The following CCSER1 variants were observed in gnomAD, a reference collection of about 807,000 sequenced individuals.
CCSER1 encodes the protein coiled-coil serine rich protein 1.
A neutral mutation model predicts 82.0 loss-of-function variants in CCSER1; 41 were observed. The ratio of observed to expected loss-of-function variants is 0.50; its 90% CI spans 0.39 to 0.65. CCSER1 has a LOEUF of 0.65. Ranked by LOEUF, CCSER1 falls within the 30% of genes least tolerant of loss-of-function variation. The pLI, the probability that CCSER1 is intolerant of heterozygous loss-of-function variation, is 0.00. For missense variants in CCSER1, 1,119 were observed against 1,064.2 expected, an observed-to-expected ratio of 1.05 and a Z score of -0.72; for synonymous variants, 414 against 383.9, an observed-to-expected ratio of 1.08 and a Z score of -0.92.
chr4:91,081,141 T>C (rs1037066530), intron 9 of CCSER1, among the ~76,000 whole-genome samples: 40 of 152,208 alleles, frequency 2.6e-4, no homozygotes, highest in Middle Eastern at 6.9e-3. Context: ...CTCATGAACA[T>C]CGATGCAAAA....
intron 1 of CCSER1, among the ~76,000 whole-genome samples, chr4:90,271,846 ATATATATATATATATATTTTT>A (rs1726426036): frequency 8.0e-5 from 2 of 24,854 alleles, no homozygotes; most frequent in South Asian, 2.1e-3. Flanking sequence ...ATATATATAT[ATATATATATATATATATTTTT>A]TTTTTTTTTT....
At chr4:90,448,049 C>T (rs1397063304) in intron 4 of CCSER1, among the ~76,000 whole-genome samples, 2 of 152,042 alleles carry the variant, frequency 1.3e-5, no homozygotes, top group Non-Finnish European at 2.9e-5. Flanking sequence ...AACCACCCTT[C>T]CCCTGAGGGC....
intron 10 of CCSER1, among the ~76,000 whole-genome samples, chr4:91,305,916 C>G (rs1158870528): frequency 6.7e-6 from 1 of 149,704 alleles, no homozygotes. Flanking sequence ...CCCTCACTAT[C>G]ACGAGAACAG....
intron 7 of CCSER1, among the ~76,000 whole-genome samples, chr4:90,779,321 T>C (rs909917180): frequency 6.6e-6 from 1 of 152,176 alleles, no homozygotes; most frequent in Non-Finnish European, 1.5e-5. Flanking sequence ...TCATGCTTCT[T>C]ATTTCAAGGT....
chr4:91,530,205 CAT>C (rs1760953384), intron 10 of CCSER1, among the ~76,000 whole-genome samples: 1 of 152,024 alleles, frequency 6.6e-6, no homozygotes, highest in African/African-American at 2.4e-5. Context: ...TTATTAAAAA[CAT>C]ATATTCAATA....
intron 6 of CCSER1, among the ~76,000 whole-genome samples, chr4:90,714,860 A>G (rs1056225420): frequency 1.1e-3 from 169 of 152,184 alleles, no homozygotes; most frequent in African/African-American, 4.0e-3. Context: ...CTTCTCAATT[A>G]CACTGCAGTG....
intron 10 of CCSER1, among the ~76,000 whole-genome samples, chr4:91,316,329 T>A (rs1168614955): frequency 2.0e-5 from 3 of 151,996 alleles, no homozygotes; most frequent in African/African-American, 7.2e-5. Context: ...TGGTACATCA[T>A]GAGCACTCAA....
intron 7 of CCSER1, among the ~76,000 whole-genome samples, chr4:90,727,659 T>C (rs757425015): frequency 2.6e-5 from 4 of 152,318 alleles, no homozygotes; most frequent in Non-Finnish European, 2.9e-5. Context: ...TTTGTACATA[T>C]GCAGTTATTA....
At chr4:91,221,623 A>G (rs1737750008) in intron 10 of CCSER1, among the ~76,000 whole-genome samples, 1 of 152,238 alleles carries the variant, frequency 6.6e-6, no homozygotes, top group African/African-American at 2.4e-5. Context: ...CATCAGGTCA[A>G]ACACATATAG....
At chr4:90,692,630 A>G (rs1736205277) in intron 6 of CCSER1, among the ~76,000 whole-genome samples, 1 of 151,914 alleles carries the variant, frequency 6.6e-6, no homozygotes, top group East Asian at 1.9e-4. Context: ...TATGAATTCT[A>G]CTTCATGAAC....
intron 10 of CCSER1, among the ~76,000 whole-genome samples, chr4:91,520,724 C>T (rs568048674): frequency 1.9e-4 from 29 of 151,932 alleles, no homozygotes; most frequent in Non-Finnish European, 3.7e-4. Context: ...CAACAAATTC[C>T]CTTAGTTTCC....
At chr4:91,310,443 A>C (rs1003319730) in intron 10 of CCSER1, among the ~76,000 whole-genome samples, 1 of 151,814 alleles carries the variant, frequency 6.6e-6, no homozygotes, top group Non-Finnish European at 1.5e-5. Context: ...AAGTTTACGA[A>C]TTTTTGTTGG....
intron 10 of CCSER1, among the ~76,000 whole-genome samples, chr4:91,474,816 C>CAAATAT (rs1560700793): frequency 2.9e-4 from 21 of 73,608 alleles, no homozygotes; most frequent in African/African-American, 1.1e-3. Flanking sequence ...TATATATACA[C>CAAATAT]ACACACACAC....
chr4:91,272,654 G>A (rs186046000), intron 10 of CCSER1, among the ~76,000 whole-genome samples: 19 of 152,240 alleles, frequency 1.2e-4, no homozygotes, highest in Non-Finnish European at 2.5e-4. Flanking sequence ...TTGTGTCTTG[G>A]TCATGAACTC....
intron 10 of CCSER1, among the ~76,000 whole-genome samples, chr4:91,347,461 A>G (rs1748134841): frequency 6.6e-6 from 1 of 151,278 alleles, no homozygotes; most frequent in Non-Finnish European, 1.5e-5. Context: ...GCTTTTTCTT[A>G]TGAAATTTAG....
In CCSER1 at chr4:90,933,028, G is replaced by GAAAGA. The variant is rs1554046178; in HGVS notation, c.2172+9584_2172+9588dup. 1.9e-3 allele frequency among the ~76,000 whole-genome samples: 165 copies of GAAAGA among 87,042 alleles called. 54 individuals are homozygous for GAAAGA. Among genetic ancestry groups the GAAAGA allele is most frequent in the Admixed American group, 6.8e-3 (55 of 8,114 alleles). 57.1% of individuals were successfully genotyped at this position (87,042 alleles called of 152,430 possible). On this transcript the variant is annotated intron_variant, in intron 9 of 10. Coordinates refer to ENST00000509176, the MANE Select transcript of CCSER1 (RefSeq NM_001145065.2). ...AGAAAGAAAGAAAGAAAGAAAGAAAGAAAGAAAGAAAGAAAGAGAAGGAAG... is the reference window on the plus strand; with the variant it reads ...AGAAAGAAAGAAAGAAAGAAAGAAAGAAAGAAAAGAAAGAAAGAAAGAGAAGGAAG...
intron 8 of CCSER1, among the ~76,000 whole-genome samples, chr4:90,864,698 A>G (rs1765525164): frequency 6.6e-6 from 1 of 152,054 alleles, no homozygotes; most frequent in African/African-American, 2.4e-5. Flanking sequence ...TATAGATGCA[A>G]AACATCCCTT....
chr4:91,058,609 T>C (rs1458864962), intron 9 of CCSER1, among the ~76,000 whole-genome samples: 1 of 152,102 alleles, frequency 6.6e-6, no homozygotes, highest in Non-Finnish European at 1.5e-5. Flanking sequence ...ATCTTCATCC[T>C]CAGGAGTCTT....
chr4:91,325,815 G>A (rs1340037487), intron 10 of CCSER1, among the ~76,000 whole-genome samples: 1 of 152,112 alleles, frequency 6.6e-6, no homozygotes, highest in Non-Finnish European at 1.5e-5. Context: ...AAAAGAGTTT[G>A]GAAAGTATAA....
Sources: gnomAD v4.1 joint callset for allele counts (sites outside exome capture counted in the v4.1 genomes callset) on GRCh38, gnomAD v4.1.1 for gene constraint, MANE v1.5 for transcripts, NCBI Gene and HGNC (gene_info 2026-07-23, HGNC 2026-07-21) for gene names.